The following MAP2 variants were observed in gnomAD, a reference collection of about 807,000 sequenced individuals.
MAP2 encodes the protein microtubule associated protein 2.
A neutral mutation model predicts 137.6 loss-of-function variants in MAP2; 14 were observed. The ratio of observed to expected loss-of-function variants is 0.10; its 90% CI spans 0.07 to 0.16. MAP2 has a LOEUF of 0.16. Ranked by LOEUF, MAP2 falls within the 10% of genes least tolerant of loss-of-function variation. The pLI, the probability that MAP2 is intolerant of heterozygous loss-of-function variation, is 1.00. For missense variants in MAP2, 2,088 were observed against 2,191.5 expected (o/e 0.95, Z 0.94); for synonymous variants, 786 against 782.3 (o/e 1.00, Z -0.08).
intron 2 of MAP2, among the ~76,000 whole-genome samples, chr2:209,558,281 T>A (rs912361833): frequency 8.5e-5 from 13 of 152,124 alleles, no homozygotes; most frequent in African/African-American, 3.1e-4. Context: ...ATCTGCCTCC[T>A]GGGTTCAAGC....
intron 5 of MAP2, among the ~76,000 whole-genome samples, chr2:209,662,402 G>A (rs2044073311): frequency 6.6e-6 from 1 of 152,092 alleles, no homozygotes; most frequent in African/African-American, 2.4e-5. Context: ...TTATTTTGTT[G>A]AATTTGAATC....
intron 1 of MAP2, among the ~76,000 whole-genome samples, chr2:209,484,227 A>G (rs1168399151): frequency 6.6e-6 from 1 of 152,244 alleles, no homozygotes; most frequent in East Asian, 1.9e-4. Flanking sequence ...AGTGCAGTAG[A>G]AAGGCACAGA....
chr2:209,500,879 A>G (rs1473599910), intron 1 of MAP2, among the ~76,000 whole-genome samples: 2 of 152,004 alleles, frequency 1.3e-5, no homozygotes, highest in Non-Finnish European at 2.9e-5. Flanking sequence ...TACCAAAAAA[A>G]TAGAAAAATT....
At chr2:209,427,707 T>G (rs1432580459) in intron 1 of MAP2, among the ~76,000 whole-genome samples, 1 of 152,202 alleles carries the variant, frequency 6.6e-6, no homozygotes, top group Non-Finnish European at 1.5e-5. Context: ...GAGAAACAAC[T>G]TTTGATATTC....
At chr2:209,606,287 A>G (rs985919883) in intron 3 of MAP2, among the ~76,000 whole-genome samples, 1 of 152,182 alleles carries the variant, frequency 6.6e-6, no homozygotes, top group Non-Finnish European at 1.5e-5. Context: ...AAAAATATAA[A>G]AGAAAAACTT....
chr2:209,571,852 C>A (rs1391869859), intron 2 of MAP2, among the ~76,000 whole-genome samples: 2 of 151,894 alleles, frequency 1.3e-5, no homozygotes, highest in Admixed American at 1.3e-4. Flanking sequence ...TGAATGCTGA[C>A]AATAAGAATA....
intron 4 of MAP2, among the ~76,000 whole-genome samples, chr2:209,652,885 TTTTG>T (rs1196386842): frequency 1.3e-5 from 2 of 152,202 alleles, no homozygotes; most frequent in African/African-American, 2.4e-5. Flanking sequence ...TTTGTTTTGT[TTTTG>T]TTTGTTTACA....
At chr2:209,471,147 T>A (rs1316018768) in intron 1 of MAP2, among the ~76,000 whole-genome samples, 1 of 152,158 alleles carries the variant, frequency 6.6e-6, no homozygotes. Context: ...TTACCTCAAA[T>A]ACACCATGTT....
At chr2:209,466,806 C>G (rs950472792) in intron 1 of MAP2, among the ~76,000 whole-genome samples, 1 of 152,140 alleles carries the variant, frequency 6.6e-6, no homozygotes, top group Non-Finnish European at 1.5e-5. Flanking sequence ...GCTAAGAAAA[C>G]AGCAGAAGAT....
chr2:209,495,650 A>G (rs2059662421), intron 1 of MAP2, among the ~76,000 whole-genome samples: 1 of 152,250 alleles, frequency 6.6e-6, no homozygotes, highest in South Asian at 2.1e-4. Context: ...TTCAATCTTT[A>G]TAAGCTTAGT....
chr2:209,573,446 ACCACAC>A (rs1559336333), intron 2 of MAP2, among the ~76,000 whole-genome samples: 1 of 151,494 alleles, frequency 6.6e-6, no homozygotes, highest in Non-Finnish European at 1.5e-5. Context: ...GGTGTGAGCC[ACCACAC>A]CCAGCTAATT....
chr2:209,472,488 T>C (rs1706010813), intron 1 of MAP2, among the ~76,000 whole-genome samples: 1 of 152,126 alleles, frequency 6.6e-6, no homozygotes, highest in Admixed American at 6.6e-5. Flanking sequence ...AAGTGACACT[T>C]AAAAGCTCAT....
chr2:209,437,203 G>T (rs1696534216), intron 1 of MAP2, among the ~76,000 whole-genome samples: 1 of 151,608 alleles, frequency 6.6e-6, no homozygotes, highest in Non-Finnish European at 1.5e-5. Context: ...GGGTGGATTT[G>T]TTGCTTCTGA....
intron 2 of MAP2, among the ~76,000 whole-genome samples, chr2:209,522,754 T>A (rs2063463515): frequency 6.6e-6 from 1 of 152,154 alleles, no homozygotes; most frequent in Non-Finnish European, 1.5e-5. Flanking sequence ...TAAATTTTCT[T>A]CATTCAGGGA....
At chr2:209,683,169 A>C (rs1383714359) in intron 7 of MAP2, among the ~76,000 whole-genome samples, 1 of 152,158 alleles carries the variant, frequency 6.6e-6, no homozygotes, top group Admixed American at 6.6e-5. Flanking sequence ...ATGTAGAATC[A>C]CCTTCACATT....
At chr2:209,514,212 A>G (rs72997650) in intron 2 of MAP2, among the ~76,000 whole-genome samples, 9,467 of 152,214 alleles carry the variant, frequency 0.062, 424 homozygotes, top group Non-Finnish European at 0.097. Flanking sequence ...ATACTATGCT[A>G]AATGTAGGAA....
chr2:209,671,528 C>T (rs1166968352), intron 5 of MAP2, among the ~76,000 whole-genome samples: 1 of 151,800 alleles, frequency 6.6e-6, no homozygotes, highest in African/African-American at 2.4e-5. Context: ...CCATTCTGTA[C>T]CCTACTGAGA....
chr2:209,466,422 C>G (rs1469231209), intron 1 of MAP2, among the ~76,000 whole-genome samples: 1 of 152,076 alleles, frequency 6.6e-6, no homozygotes, highest in Non-Finnish European at 1.5e-5. Context: ...GTTTCCTTAT[C>G]TGTAAAAAGG....
intron 5 of MAP2, among the ~76,000 whole-genome samples, chr2:209,662,734 T>A (rs2044248989): frequency 1.3e-5 from 2 of 152,152 alleles, no homozygotes; most frequent in South Asian, 2.1e-4. Context: ...TGGGAGTGAG[T>A]CTTCTAGACT....
Sources: gnomAD v4.1 joint callset for allele counts (sites outside exome capture counted in the v4.1 genomes callset) on GRCh38, gnomAD v4.1.1 for gene constraint, MANE v1.5 for transcripts, NCBI Gene and HGNC (gene_info 2026-07-23, HGNC 2026-07-21) for gene names.